The following RBFOX1 variants were observed in gnomAD, a reference collection of about 807,000 sequenced individuals.
RBFOX1 encodes RNA binding protein fox-1 homolog 1.
Under a neutral mutation model 57.7 loss-of-function variants are expected in RBFOX1, and 8 were observed. That is an observed-to-expected ratio of 0.14 (90% confidence interval 0.08 to 0.25). RBFOX1 has a LOEUF of 0.25. Ranked by LOEUF, RBFOX1 falls within the 10% of genes least tolerant of loss-of-function variation. The pLI, the probability that RBFOX1 is intolerant of heterozygous loss-of-function variation, is 1.00. For missense variants in RBFOX1, 611 were observed against 548.5 expected (o/e 1.11, Z -1.14); for synonymous variants, 326 against 222.4 (o/e 1.47, Z -4.15).
intron 3 of RBFOX1, among the ~76,000 whole-genome samples, chr16:6,739,309 G>T (rs1394201361): frequency 6.6e-6 from 1 of 151,682 alleles, no homozygotes; most frequent in South Asian, 2.1e-4. Flanking sequence ...AGACCCTGCA[G>T]ACATTAAAAG....
At chr16:6,790,272 C>T (rs1188309112) in intron 3 of RBFOX1, among the ~76,000 whole-genome samples, 1 of 151,658 alleles carries the variant, frequency 6.6e-6, no homozygotes, top group Non-Finnish European at 1.5e-5. Flanking sequence ...GCAACCTCTG[C>T]CTCCAGGGTT....
At chr16:6,320,524 G>A (rs923051200) in intron 2 of RBFOX1, among the ~76,000 whole-genome samples, 2 of 151,876 alleles carry the variant, frequency 1.3e-5, no homozygotes, top group African/African-American at 2.4e-5. Context: ...TTTAAATTGC[G>A]AAGATTTAAG....
chr16:7,003,061 A>G (rs148821621), intron 3 of RBFOX1, among the ~76,000 whole-genome samples: 74 of 152,034 alleles, frequency 4.9e-4, no homozygotes, highest in African/African-American at 1.6e-3. Context: ...GGTTTCCCAA[A>G]GAGAGGTTAT....
intron 1 of RBFOX1, among the ~76,000 whole-genome samples, chr16:5,276,806 G>T (rs2063152818): frequency 6.6e-6 from 1 of 152,114 alleles, no homozygotes; most frequent in South Asian, 2.1e-4. Flanking sequence ...ATTGATGTTG[G>T]CATGGACGTG....
chr16:7,565,919 T>G (rs1235593987), intron 5 of RBFOX1, among the ~76,000 whole-genome samples: 1 of 151,994 alleles, frequency 6.6e-6, no homozygotes, highest in Non-Finnish European at 1.5e-5. Flanking sequence ...TTCTACACCG[T>G]GATGGTGAAT....
At chr16:5,713,484 C>T (rs62016271) in intron 3 of RBFOX1, among the ~76,000 whole-genome samples, 82,434 of 152,006 alleles carry the variant, frequency 0.54, 25,949 homozygotes, top group Non-Finnish European at 0.72. Context: ...GGCTTTGATC[C>T]CCAAATATCT....
At chr16:7,168,714 T>G (rs1415692624) in intron 4 of RBFOX1, among the ~76,000 whole-genome samples, 1 of 152,200 alleles carries the variant, frequency 6.6e-6, no homozygotes, top group Non-Finnish European at 1.5e-5. Flanking sequence ...TTCCTAGATT[T>G]ACTCTTCAGT....
chr16:7,109,251 A>G lies in RBFOX1; in HGVS notation c.27+57153A>G, dbSNP rs77481957. ...TCTAATGTTAACCTTGGGACCTCAT[A>G]TATTATTGGATGCAAACGTCTACAA... is the stretch of plus-strand genomic sequence containing the variant. On this transcript the variant is annotated intron_variant, in intron 4 of 15. Coordinates refer to ENST00000550418, the MANE Select transcript of RBFOX1 (RefSeq NM_018723.4). 2.5e-3 allele frequency among the ~76,000 whole-genome samples: 381 copies of G among 152,294 alleles called. 1 individual carries two copies. Among genetic ancestry groups the G allele is most frequent in the African/African-American group, 8.9e-3 (369 of 41,566 alleles).
chr16:7,118,526 T>C (rs1171638847), intron 4 of RBFOX1, among the ~76,000 whole-genome samples: 1 of 152,128 alleles, frequency 6.6e-6, no homozygotes, highest in Non-Finnish European at 1.5e-5. Context: ...CCTTCCCCAC[T>C]ATACAATTCA....
intron 14 of RBFOX1, among the ~76,000 whole-genome samples, chr16:7,688,681 C>T (rs2076655470): frequency 6.6e-6 from 1 of 152,040 alleles, no homozygotes; most frequent in South Asian, 2.1e-4. Context: ...AGTGTACCAC[C>T]AGCTGAGGCA....
intron 1 of RBFOX1, among the ~76,000 whole-genome samples, chr16:6,078,410 A>G (rs908194878): frequency 6.9e-6 from 1 of 144,034 alleles, no homozygotes; most frequent in Non-Finnish European, 1.5e-5. Flanking sequence ...TTTTTGGGGG[A>G]TTTTTTTTTT....
Position 7,173,016 on chromosome 16 carries a change from T to A in RBFOX1, c.27+120918T>A, listed in dbSNP as rs375125129. 7.9e-5 allele frequency among the ~76,000 whole-genome samples: 12 copies of A among 152,084 alleles called. No homozygotes were observed. In the East Asian group the frequency reaches 1.5e-3, roughly 20 times the overall value. On this transcript the variant is annotated intron_variant, in intron 4 of 15. Coordinates refer to ENST00000550418, the MANE Select transcript of RBFOX1 (RefSeq NM_018723.4). ...ACAAAGAAAAACTACCACGTGTGTATTTTCCCTAGAATTTCCTGGTAGAAA... is the reference window on the plus strand; with the variant it reads ...ACAAAGAAAAACTACCACGTGTGTAATTTCCCTAGAATTTCCTGGTAGAAA...
At chr16:7,484,318 C>T (rs973444225) in intron 4 of RBFOX1, among the ~76,000 whole-genome samples, 7 of 152,294 alleles carry the variant, frequency 4.6e-5, no homozygotes, top group East Asian at 3.9e-4. Context: ...TATGTGGACA[C>T]ATGTCTTCAT....
intron 3 of RBFOX1, among the ~76,000 whole-genome samples, chr16:5,756,355 G>C (rs74006255): frequency 0.033 from 5,051 of 151,756 alleles, 302 homozygotes; most frequent in African/African-American, 0.11. Context: ...ACTTAACCTA[G>C]CAAAACTGGA....
chr16:5,456,799 T>A (rs892000314), intron 1 of RBFOX1, among the ~76,000 whole-genome samples: 3 of 152,124 alleles, frequency 2.0e-5, no homozygotes, highest in Non-Finnish European at 2.9e-5. Flanking sequence ...TTGAATCTCA[T>A]CCCCCTTGGA....
chr16:7,696,712 A>G (rs564695397), intron 14 of RBFOX1, among the ~76,000 whole-genome samples: 63 of 152,304 alleles, frequency 4.1e-4, no homozygotes, highest in African/African-American at 1.4e-3. Flanking sequence ...ATATATATGC[A>G]TAGTAAGTTA....
In RBFOX1 at chr16:7,029,253, C is replaced by CACATATATATACGTATACGTATATATAT. The variant is rs2042142938; in HGVS notation, c.-15-22801_-15-22800insTATATATACGTATACGTATATATATACA. On this transcript the variant is annotated intron_variant, in intron 3 of 15. Coordinates refer to ENST00000550418, the MANE Select transcript of RBFOX1 (RefSeq NM_018723.4). ...ATATATACGTATACGTATATATATA[C>CACATATATATACGTATACGTATATATAT]ACACATATATATACGTATACGTATA... Among the ~76,000 whole-genome samples, 4 of 18,106 alleles carry CACATATATATACGTATACGTATATATAT rather than the reference C, an allele frequency of 2.2e-4. 1 individual carries two copies. In the East Asian group the frequency reaches 9.3e-3, roughly 42 times the overall value. The allele number at this position is 18,106 out of a possible 152,430, so 11.9% of individuals were successfully genotyped here. A position where few individuals can be genotyped will look rare whatever the true frequency, so the allele number is the denominator to read the frequency against.
intron 4 of RBFOX1, among the ~76,000 whole-genome samples, chr16:7,271,566 C>T (rs900245156): frequency 6.6e-6 from 1 of 151,514 alleles, no homozygotes; most frequent in Admixed American, 6.6e-5. Context: ...ACTAGAAGCT[C>T]GATGTTATGA....
chr16:7,047,495 G>C (rs929505823), intron 3 of RBFOX1, among the ~76,000 whole-genome samples: 9 of 151,936 alleles, frequency 5.9e-5, no homozygotes, highest in African/African-American at 9.7e-5. Context: ...TTTAATTTTA[G>C]GCTTTACCAA....
Sources: allele counts gnomAD v4.1 joint callset (sites outside exome capture counted in the v4.1 genomes callset), GRCh38; gene constraint gnomAD v4.1.1; transcripts MANE v1.5; gene names NCBI Gene and HGNC (gene_info 2026-07-23, HGNC 2026-07-21).